RHBDD1: variants seen among roughly 807,000 people sequenced by gnomAD.
RHBDD1 encodes the protein rhomboid-related protein 4.
RHBDD1 carries 38 observed loss-of-function variants against 36.3 expected under a neutral mutation model. That is an observed-to-expected ratio of 1.05 (90% CI 0.81 to 1.37). The LOEUF is 1.37. Among genes scored for constraint, RHBDD1 ranks in the 40% most tolerant of loss-of-function variants. RHBDD1 has a pLI of 0.00. For missense variants in RHBDD1, 393 were observed against 377.6 expected, an observed-to-expected ratio of 1.04 and a Z score of -0.34; for synonymous variants, 151 against 136.5, an observed-to-expected ratio of 1.11 and a Z score of -0.74.
At position 226,948,121 on chromosome 2, in the gene RHBDD1, T is replaced by C. The variant is rs553293210; in HGVS notation, c.856+33770T>C. ...TGCTATAAAGACACATGCACACTTATGTTTATTGCGGCATTATTCTCAATA... is the reference window on the plus strand; with the variant it reads ...TGCTATAAAGACACATGCACACTTACGTTTATTGCGGCATTATTCTCAATA... On this transcript the variant is annotated intron_variant, in intron 8 of 8. Coordinates refer to ENST00000392062, the MANE Select transcript of RHBDD1 (RefSeq NM_001167608.3). Among the ~76,000 whole-genome samples, 362 of 151,584 alleles carry C rather than the reference T, an allele frequency of 2.4e-3. 1 individual carries two copies. Among genetic ancestry groups the C allele is most frequent in the African/African-American group, 8.3e-3 (342 of 41,228 alleles).
At chr2:226,971,037 G>A (rs567740415) in intron 8 of RHBDD1, among the ~76,000 whole-genome samples, 17 of 152,258 alleles carry the variant, frequency 1.1e-4, no homozygotes, top group Admixed American at 8.5e-4. Flanking sequence ...GGTACATTTC[G>A]TAGACACTTA....
chr2:226,826,829 C>G, the RHBDD1 span, among the ~76,000 whole-genome samples: 1 of 151,778 alleles, frequency 6.6e-6, no homozygotes, highest in Admixed American at 6.6e-5. Flanking sequence ...CTGATAGATT[C>G]TTAATTGTAC....
chr2:226,992,187 C>T (rs1958377086), intron 8 of RHBDD1, among the ~76,000 whole-genome samples: 1 of 152,206 alleles, frequency 6.6e-6, no homozygotes, highest in African/African-American at 2.4e-5. Context: ...AAGTAGAAGA[C>T]AGAGTGTACC....
At chr2:226,948,581 A>AT (rs1463319175) in intron 8 of RHBDD1, among the ~76,000 whole-genome samples, 33 of 124,210 alleles carry the variant, frequency 2.7e-4, no homozygotes, top group African/African-American at 1.0e-3. Context: ...AAAAAAAAAA[A>AT]AAAACGAAAA....
Position 226,955,388 on chromosome 2 carries a change from GC to G in RHBDD1, c.857-40039del, listed in dbSNP as rs1951722565. The stretch of plus-strand genomic sequence containing the variant: ...AGAGCAGGTTAAGCACTCTCACCTT[GC>G]CCCAGGGGCATATACAGCTTTTCTG... On this transcript the variant is annotated intron_variant, in intron 8 of 8. Transcript: ENST00000392062. Among the ~76,000 whole-genome samples, 5 of 152,328 alleles carry G rather than the reference GC, an allele frequency of 3.3e-5. No individual in the cohort carries two copies. The South Asian group carries it at 1.0e-3, about 32-fold the overall frequency.
chr2:226,929,024 CA>C (rs1334155432), intron 8 of RHBDD1, among the ~76,000 whole-genome samples: 2 of 151,540 alleles, frequency 1.3e-5, no homozygotes, highest in East Asian at 1.9e-4. Context: ...AAATTGCCAA[CA>C]AAAAAAACCC....
Position 226,906,806 on chromosome 2 carries a change from G to A in RHBDD1, c.580G>A (p.Gly194Arg), listed in dbSNP as rs1192867872. The part of the protein sequence containing the change: ...HLFSPGTSFA[G>R]HLAGILVGLM... ...CTTCCCTCCTAGGACTTCCTTCGCT[G>A]GGCATCTGGCTGGGATTCTTGTTGG... The change falls in exon 6 of 9, where the codon GGG (glycine) becomes AGG (arginine). Residue 194 changes from glycine (G) to arginine (R), a missense_variant. Transcript: ENST00000392062. 1.2e-6 allele frequency: 2 copies of A among 1,614,088 alleles called. No homozygotes were observed. Among genetic ancestry groups the A allele is most frequent in the East Asian group, 2.2e-5 (1 of 44,868 alleles).
chr2:226,863,790 T>A (rs1944070945), intron 3 of RHBDD1, among the ~76,000 whole-genome samples: 7 of 152,196 alleles, frequency 4.6e-5, no homozygotes, highest in Admixed American at 4.6e-4. Context: ...CCAAAGCATG[T>A]CACAGTGCCA....
At chr2:226,896,068 A>C in intron 5 of RHBDD1, among the ~76,000 whole-genome samples, 1 of 152,226 alleles carries the variant, frequency 6.6e-6, no homozygotes. Flanking sequence ...TTATATGTAT[A>C]AATATGTAAC....
chr2:226,955,749 T>C (rs1032305719), intron 8 of RHBDD1, among the ~76,000 whole-genome samples: 1 of 152,210 alleles, frequency 6.6e-6, no homozygotes, highest in African/African-American at 2.4e-5. Flanking sequence ...CTTTTCTCTG[T>C]GCACACACAT....
At chr2:226,993,200 T>C (rs1303303154) in intron 8 of RHBDD1, among the ~76,000 whole-genome samples, 1 of 152,232 alleles carries the variant, frequency 6.6e-6, no homozygotes, top group African/African-American at 2.4e-5. Context: ...ATCTGCGGGC[T>C]TTTTCTTTTG....
chr2:226,831,409 C>A (rs1036802057), upstream of RHBDD1, among the ~76,000 whole-genome samples: 2 of 152,196 alleles, frequency 1.3e-5, no homozygotes, highest in African/African-American at 4.8e-5. Flanking sequence ...AGATGTAATT[C>A]ATTAAGATGA....
chr2:226,941,293 G>T (rs1359674983), intron 8 of RHBDD1, among the ~76,000 whole-genome samples: 1 of 152,186 alleles, frequency 6.6e-6, no homozygotes, highest in Non-Finnish European at 1.5e-5. Context: ...GGGCTCCCAT[G>T]AGTCTCCCTA....
intron 3 of RHBDD1, among the ~76,000 whole-genome samples, chr2:226,849,729 A>AATCTGT (rs534449828): frequency 1.3e-3 from 197 of 152,136 alleles, no homozygotes; most frequent in Non-Finnish European, 2.2e-3. Context: ...ATATCTATAT[A>AATCTGT]ATCTGTATCT....
intron 4 of RHBDD1, among the ~76,000 whole-genome samples, chr2:226,865,859 C>T (rs886375518): frequency 2.0e-5 from 3 of 152,082 alleles, no homozygotes; most frequent in Non-Finnish European, 2.9e-5. Flanking sequence ...GAACTACAAG[C>T]GAGAAAGGAG....
chr2:226,972,004 G>C (rs1953614269), intron 8 of RHBDD1, among the ~76,000 whole-genome samples: 1 of 151,688 alleles, frequency 6.6e-6, no homozygotes, highest in Non-Finnish European at 1.5e-5. Flanking sequence ...GTGGTTTGCT[G>C]CACCTGTCAG....
chr2:226,966,155 G>A (rs1163023550), intron 8 of RHBDD1, among the ~76,000 whole-genome samples: 1 of 152,016 alleles, frequency 6.6e-6, no homozygotes, highest in Non-Finnish European at 1.5e-5. Context: ...GCATTATTTG[G>A]GTGAGTAGTT....
intron 5 of RHBDD1, among the ~76,000 whole-genome samples, chr2:226,878,733 G>C (rs1945447703): frequency 1.3e-5 from 2 of 152,150 alleles, no homozygotes; most frequent in African/African-American, 2.4e-5. Context: ...CTGAATTCCT[G>C]ACCCACAGAA....
At chr2:226,883,335 C>T (rs1020638162) in intron 5 of RHBDD1, among the ~76,000 whole-genome samples, 3 of 152,138 alleles carry the variant, frequency 2.0e-5, no homozygotes, top group Admixed American at 6.5e-5. Context: ...AAAATGTACA[C>T]GTCATACACA....
Sources: gnomAD v4.1 joint callset for allele counts (sites outside exome capture counted in the v4.1 genomes callset) on GRCh38, gnomAD v4.1.1 for gene constraint, MANE v1.5 for transcripts, NCBI Gene and HGNC (gene_info 2026-07-23, HGNC 2026-07-21) for gene names.